Variants in PTPRZ1 observed in about 807,000 individuals in gnomAD.
The protein encoded by PTPRZ1 is receptor-type tyrosine-protein phosphatase zeta.
Under a neutral mutation model 214.1 loss-of-function variants are expected in PTPRZ1, and 82 were observed. That is an observed-to-expected ratio of 0.38 (90% CI 0.32 to 0.46). The LOEUF (loss-of-function observed/expected upper bound fraction) is 0.46. PTPRZ1 is among the 20% of genes least tolerant of loss of function. The pLI is 1.00. For missense variants in PTPRZ1, 2,603 were observed against 2,748.7 expected (o/e 0.95, Z 1.19); for synonymous variants, 945 against 987.9 (o/e 0.96, Z 0.81).
intron 10 of PTPRZ1, among the ~76,000 whole-genome samples, chr7:122,000,667 A>C (rs1243709825): frequency 3.8e-5 from 3 of 79,976 alleles, no homozygotes; most frequent in African/African-American, 1.7e-4. Flanking sequence ...ATATATATAT[A>C]TATATATATA....
intron 1 of PTPRZ1, among the ~76,000 whole-genome samples, chr7:121,899,302 C>T (rs1423340353): frequency 6.6e-6 from 1 of 152,026 alleles, no homozygotes; most frequent in Non-Finnish European, 1.5e-5. Flanking sequence ...ACGTTTCTAC[C>T]TTCTAATACT....
In PTPRZ1 at chr7:122,013,501, T is replaced by C; in HGVS notation, c.4455T>C (p.Asn1485=). The C allele has an allele frequency of 1.2e-6, 2 of 1,614,122 alleles. No homozygotes were observed. The highest frequency in any genetic ancestry group is 1.7e-6 in the Non-Finnish European group (2 of 1,180,026). ...TATCTGAGAATTCTGAAGAAGATAATAGAGTCACAAGTGTATCCTCAGACA... is the reference window on the plus strand; with the variant it reads ...TATCTGAGAATTCTGAAGAAGATAACAGAGTCACAAGTGTATCCTCAGACA... ...YSLSENSEED[N]RVTSVSSDSQ... is the part of the protein sequence containing the mutation. Residue 1485 remains asparagine (N), a synonymous_variant, in exon 12 of 30, where the codon AAT becomes AAC. Coordinates refer to ENST00000393386, the MANE Select transcript of PTPRZ1 (RefSeq NM_002851.3).
rs1794939175 is a variant in PTPRZ1 at position 121,900,980 on chromosome 7, G to C, written c.59-27176G>C. On this transcript the variant is annotated intron_variant, in intron 1 of 29. Coordinates refer to ENST00000393386, the MANE Select transcript of PTPRZ1 (RefSeq NM_002851.3). The stretch of plus-strand genomic sequence containing the variant: ...TTTTACAAATGAAATAAGGCATAGG[G>C]AGGTCATATAACTTGTTCAATATCA... 2.0e-5 allele frequency among the ~76,000 whole-genome samples: 3 copies of C among 152,148 alleles called. No individual in the cohort carries two copies. In the South Asian group the frequency reaches 6.2e-4, roughly 32 times the overall value.
intron 1 of PTPRZ1, among the ~76,000 whole-genome samples, chr7:121,901,806 G>A (rs2116266172): frequency 6.6e-6 from 1 of 152,152 alleles, no homozygotes; most frequent in Middle Eastern, 3.4e-3. Flanking sequence ...ATCATATCAG[G>A]GTACTTAGCA....
At chr7:121,996,324 T>C in intron 8 of PTPRZ1, 58 bp from the exon 9 acceptor site, 1 of 1,240,002 alleles carries the variant, frequency 8.1e-7, no homozygotes, top group Non-Finnish European at 1.1e-6. Flanking sequence ...ATATGTTTTA[T>C]TTATTCAAGT....
Position 121,891,476 on chromosome 7 carries a change from T to G in PTPRZ1, c.58+17919T>G, listed in dbSNP as rs1206474. Among the ~76,000 whole-genome samples the G allele has an allele frequency of 7.1e-3, 1,027 of 144,274 alleles. 10 individuals carry two copies. The highest frequency in any genetic ancestry group is 0.025 in the African/African-American group (975 of 38,444). The allele number at this position is 144,274 out of a possible 152,430, so 94.6% of individuals were successfully genotyped here. A position where few individuals can be genotyped will look rare whatever the true frequency, so the allele number is the denominator to read the frequency against. On this transcript the variant is annotated intron_variant, in intron 1 of 29. Transcript: ENST00000393386. ...CTTTTTTTTTTTTTTTTTTTTTTTT[T>G]TTTTTAGTTTGATTTTGCTTGAATC...
chr7:122,045,788 G>A (rs979862333), intron 23 of PTPRZ1, among the ~76,000 whole-genome samples: 1 of 151,180 alleles, frequency 6.6e-6, no homozygotes, highest in African/African-American at 2.4e-5. Context: ...ACATTGATAT[G>A]GTAAGCTAAA....
intron 13 of PTPRZ1, among the ~76,000 whole-genome samples, chr7:122,020,736 A>G (rs183057116): frequency 2.0e-5 from 3 of 152,240 alleles, no homozygotes; most frequent in Non-Finnish European, 4.4e-5. Flanking sequence ...GTTACCCCAC[A>G]TGGGTCAGGA....
chr7:121,973,844 G>T (rs1211117118), intron 4 of PTPRZ1, among the ~76,000 whole-genome samples: 8 of 143,118 alleles, frequency 5.6e-5, no homozygotes, highest in Admixed American at 7.4e-5. Flanking sequence ...TGAGGCATGG[G>T]AATCACTTGA....
intron 14 of PTPRZ1, 99 bp downstream of exon 14, chr7:122,028,742 A>G (rs931676852): frequency 5.7e-6 from 5 of 879,214 alleles, no homozygotes; most frequent in African/African-American, 5.1e-5. Context: ...GCAAATTGCT[A>G]TAATGTAGAT....
chr7:121,949,369 T>A (rs1796485821), intron 2 of PTPRZ1, among the ~76,000 whole-genome samples: 1 of 152,170 alleles, frequency 6.6e-6, no homozygotes, highest in African/African-American at 2.4e-5. Flanking sequence ...AAGTTTTTTT[T>A]CCTTTCACAT....
intron 2 of PTPRZ1, among the ~76,000 whole-genome samples, chr7:121,950,999 T>C (rs1217663952): frequency 6.6e-6 from 1 of 152,188 alleles, no homozygotes. Context: ...AAATATAATT[T>C]TGATTTAGAA....
chr7:122,042,973 G>A (rs369486382), intron 22 of PTPRZ1, among the ~76,000 whole-genome samples: 2 of 152,114 alleles, frequency 1.3e-5, no homozygotes, highest in Non-Finnish European at 2.9e-5. Context: ...CATGCATTGC[G>A]TGGCTTGTGG....
intron 11 of PTPRZ1, among the ~76,000 whole-genome samples, chr7:122,004,898 GTGA>G (rs1487420124): frequency 6.6e-6 from 1 of 151,818 alleles, no homozygotes; most frequent in Non-Finnish European, 1.5e-5. Flanking sequence ...AATATAAATG[GTGA>G]TGAAGAAAAA....
At position 122,011,822 on chromosome 7, in the gene PTPRZ1, C is replaced by G; in HGVS notation, c.2776C>G (p.Pro926Ala). The change falls in exon 12 of 30, where the codon CCT becomes GCT. Residue 926 changes from proline to alanine, a missense_variant. Pro to Ala is a conservative substitution (Grantham distance 27). Coordinates refer to ENST00000393386, the MANE Select transcript of PTPRZ1 (RefSeq NM_002851.3). ...MMHARSSGPE[P>A]SYALSDNEGS... ...GCATGCACGTTCTTCAGGGCCTGAA[C>G]CTTCTTATGCCTTGTCTGATAATGA... 2 of 1,614,014 alleles carry G rather than the reference C, an allele frequency of 1.2e-6. No individual in the cohort carries two copies. Among genetic ancestry groups the G allele is most frequent in the Non-Finnish European group, 1.7e-6 (2 of 1,179,878 alleles).
rs35284916 is a variant in PTPRZ1, at chr7:121,933,153, G to GAAAA, written c.124+4944_124+4947dup. Among the ~76,000 whole-genome samples, 190 of 132,762 alleles carry GAAAA rather than the reference G, an allele frequency of 1.4e-3. 1 individual carries two copies. Among genetic ancestry groups the GAAAA allele is most frequent in the African/African-American group, 4.1e-3 (148 of 35,924 alleles). 87.1% of individuals were successfully genotyped at this position (132,762 alleles called of 152,430 possible). A position where few individuals can be genotyped will look rare whatever the true frequency, so the allele number is the denominator to read the frequency against. Reference sequence around the variant, plus strand: ...AATTCCTAAACAAAGACAGTTCAGTGAAAAAAAAAAAAAAAGATAAAGTGA... The same window carrying GAAAA: ...AATTCCTAAACAAAGACAGTTCAGTGAAAAAAAAAAAAAAAAAAAGATAAAGTGA... On this transcript the variant is annotated intron_variant, in intron 2 of 29. Coordinates refer to ENST00000393386, the MANE Select transcript of PTPRZ1 (RefSeq NM_002851.3).
intron 13 of PTPRZ1, among the ~76,000 whole-genome samples, chr7:122,022,567 T>C (rs987284946): frequency 6.6e-6 from 1 of 152,246 alleles, no homozygotes; most frequent in African/African-American, 2.4e-5. Context: ...AAGTCCCTTA[T>C]CAGATATCTG....
At chr7:121,891,408 A>G (rs1794605790) in intron 1 of PTPRZ1, among the ~76,000 whole-genome samples, 1 of 129,902 alleles carries the variant, frequency 7.7e-6, no homozygotes, top group Non-Finnish European at 1.6e-5. Context: ...AATGCCTGGT[A>G]TATGATAGGT....
Position 122,011,682 on chromosome 7 carries a change from T to C in PTPRZ1, c.2636T>C (p.Val879Ala). The C allele has an allele frequency of 6.2e-7, 1 of 1,614,150 alleles. No homozygotes were observed. The highest frequency in any genetic ancestry group is 8.5e-7 in the Non-Finnish European group (1 of 1,180,012). The change falls in exon 12 of 30, where the codon GTG (valine) becomes GCG (alanine). Residue 879 changes from valine (V) to alanine (A), a missense_variant. Physicochemically the swap from Val to Ala is moderately conservative, Grantham distance 64. This residue lies in a region of PTPRZ1 where 1,913 missense variants were observed against 1,914.3 expected (regional missense o/e 1.00). Coordinates refer to ENST00000393386, the MANE Select transcript of PTPRZ1 (RefSeq NM_002851.3). ...LEPSLAQYSDVLSTTHAASET... is the reference protein window; with the variant it reads ...LEPSLAQYSDALSTTHAASET... ...CCCAGCCTTGCTCAGTATTCTGATG[T>C]GCTGTCCACTACTCATGCTGCTTCA...
Sources: allele counts gnomAD v4.1 joint callset (sites outside exome capture counted in the v4.1 genomes callset), GRCh38; gene constraint gnomAD v4.1.1; regional missense constraint gnomAD v4.1.1; transcripts MANE v1.5; gene names NCBI Gene and HGNC (gene_info 2026-07-23, HGNC 2026-07-21).